Variants in OR9Q1 observed in about 807,000 individuals in gnomAD.
The protein encoded by OR9Q1 is olfactory receptor 9Q1.
For missense variants in OR9Q1, 374 were observed against 378.8 expected (o/e 0.99, Z 0.11); for synonymous variants, 153 against 148.6 (o/e 1.03, Z -0.22).
intron 2 of OR9Q1, among the ~76,000 whole-genome samples, chr11:58,120,038 ATAAT>A (rs1565081964): frequency 6.6e-6 from 1 of 152,222 alleles, no homozygotes; most frequent in Admixed American, 6.5e-5. Context: ...GTCTTACTAT[ATAAT>A]TATTCAATGG....
chr11:58,058,562 G>A (rs1853348663), intron 2 of OR9Q1, among the ~76,000 whole-genome samples: 1 of 152,194 alleles, frequency 6.6e-6, no homozygotes, highest in Admixed American at 6.5e-5. Context: ...TGTGAAGGAG[G>A]TGGAAAAGAT....
chr11:58,175,834 A>G (rs575334296), intron 2 of OR9Q1, among the ~76,000 whole-genome samples: 1 of 151,868 alleles, frequency 6.6e-6, no homozygotes, highest in East Asian at 1.9e-4. Flanking sequence ...GAATTGAGAC[A>G]TGTCAAAATT....
At chr11:58,108,621 G>A (rs1230496680) in intron 2 of OR9Q1, 1 of 186,892 alleles carries the variant, frequency 5.4e-6, no homozygotes, top group Non-Finnish European at 1.1e-5. Context: ...ACTACCTACT[G>A]TACATTGTTG....
chr11:58,119,908 C>T (rs1332407772), intron 2 of OR9Q1, among the ~76,000 whole-genome samples: 1 of 152,118 alleles, frequency 6.6e-6, no homozygotes, highest in South Asian at 2.1e-4. Context: ...CTTAGTTTTA[C>T]CCCTTCTAGA....
intron 1 of OR9Q1, among the ~76,000 whole-genome samples, chr11:58,032,596 C>G (rs985626595): frequency 1.3e-5 from 2 of 152,144 alleles, no homozygotes; most frequent in Admixed American, 6.5e-5. Flanking sequence ...CTCTACTTAT[C>G]ACCATATTCA....
chr11:58,099,547 T>C (rs1212157290), intron 2 of OR9Q1, among the ~76,000 whole-genome samples: 2 of 152,182 alleles, frequency 1.3e-5, no homozygotes, highest in East Asian at 3.9e-4. Flanking sequence ...TTATGCTTAG[T>C]GTTTGTGTGG....
chr11:58,090,721 C>T (rs1400866568), intron 2 of OR9Q1, among the ~76,000 whole-genome samples: 2 of 152,098 alleles, frequency 1.3e-5, no homozygotes, highest in Non-Finnish European at 2.9e-5. Context: ...GGAATGGTAC[C>T]AGCTCCTTTT....
At chr11:58,134,883 G>A (rs1854176040) in intron 2 of OR9Q1, among the ~76,000 whole-genome samples, 1 of 152,122 alleles carries the variant, frequency 6.6e-6, no homozygotes, top group Non-Finnish European at 1.5e-5. Flanking sequence ...AAAATGGGCT[G>A]TATGGAGAAT....
chr11:58,053,977 C>T (rs74952660), intron 1 of OR9Q1, among the ~76,000 whole-genome samples: 4,012 of 152,082 alleles, frequency 0.026, 70 homozygotes, highest in East Asian at 0.061. Context: ...TTTTGAGTGT[C>T]CTTATTTCCC....
chr11:58,092,138 AT>A (rs1329812244), intron 2 of OR9Q1, among the ~76,000 whole-genome samples: 1 of 152,044 alleles, frequency 6.6e-6, no homozygotes, highest in East Asian at 1.9e-4. Context: ...CATTTAGCCC[AT>A]TTACATTTAA....
At position 58,179,692 on chromosome 11, in the gene OR9Q1, C is replaced by A. The variant is rs769954800; in HGVS notation, c.248C>A (p.Ala83Glu). ...TCTATCACTGTCCCCCAGATGCTGG[C>A]AGTGCTGCTGGAGCATGGGGCAGCT... ...YSSITVPQML[A>E]VLLEHGAALS... Residue 83 changes from alanine (A) to glutamate (E), a missense_variant, in exon 3 of 3, where the codon GCA (alanine) becomes GAA (glutamate). By Grantham distance (107) the Ala-to-Glu change is moderately radical. Coordinates refer to ENST00000335397, the MANE Select transcript of OR9Q1 (RefSeq NM_001005212.4). The A allele has an allele frequency of 3.1e-6, 5 of 1,613,992 alleles. No individual in the cohort carries two copies. Among genetic ancestry groups the A allele is most frequent in the Admixed American group, 1.7e-5 (1 of 60,010 alleles).
chr11:58,037,664 TATATATATATATATATATATATATA>T (rs1853114116), intron 1 of OR9Q1, among the ~76,000 whole-genome samples: 1 of 6,040 alleles, frequency 1.7e-4, no homozygotes, highest in Non-Finnish European at 5.9e-4. Flanking sequence ...TATATATATA[TATATATATATATATATATATATATA>T]TTTTTTTTTT....
chr11:58,179,221 T>C (rs1361260637), intron 2 of OR9Q1, among the ~76,000 whole-genome samples: 1 of 151,954 alleles, frequency 6.6e-6, no homozygotes, highest in Admixed American at 6.6e-5. Context: ...AGATGGGGTT[T>C]CACCATGTTG....
intron 2 of OR9Q1, among the ~76,000 whole-genome samples, chr11:58,130,932 G>A (rs1048242842): frequency 1.3e-5 from 2 of 152,032 alleles, no homozygotes; most frequent in Non-Finnish European, 2.9e-5. Flanking sequence ...TATAAAGGAT[G>A]TAATTATTAA....
intron 1 of OR9Q1, among the ~76,000 whole-genome samples, chr11:58,025,004 C>T (rs1240855435): frequency 2.6e-5 from 4 of 152,250 alleles, no homozygotes; most frequent in Non-Finnish European, 5.9e-5. Flanking sequence ...TTTGATCTTG[C>T]CCAAGTTTAC....
intron 2 of OR9Q1, among the ~76,000 whole-genome samples, chr11:58,128,093 C>T (rs1276712185): frequency 1.3e-5 from 2 of 151,110 alleles, no homozygotes; most frequent in Non-Finnish European, 2.9e-5. Flanking sequence ...GAATGTATAC[C>T]AAACTGTCAA....
At chr11:58,056,489 A>G (rs1210640166) in intron 2 of OR9Q1, among the ~76,000 whole-genome samples, 2 of 152,210 alleles carry the variant, frequency 1.3e-5, no homozygotes, top group East Asian at 3.8e-4. Flanking sequence ...GTAGTTGAAA[A>G]AAATTAAAAG....
chr11:58,106,137 C>G (rs1316338876), intron 2 of OR9Q1, among the ~76,000 whole-genome samples: 2 of 150,026 alleles, frequency 1.3e-5, no homozygotes, highest in African/African-American at 4.9e-5. Flanking sequence ...AATTTTTGTA[C>G]TTTCTCACCA....
chr11:58,048,758 G>T (rs1271624852), intron 1 of OR9Q1, among the ~76,000 whole-genome samples: 1 of 137,414 alleles, frequency 7.3e-6, no homozygotes, highest in Non-Finnish European at 1.6e-5. Flanking sequence ...AAATGATAAA[G>T]GGGATATCAC....
Sources: gnomAD v4.1 joint callset for allele counts (sites outside exome capture counted in the v4.1 genomes callset) on GRCh38, gnomAD v4.1.1 for gene constraint, MANE v1.5 for transcripts, NCBI Gene and HGNC (gene_info 2026-07-23, HGNC 2026-07-21) for gene names.